The following ARPP21 variants were observed in gnomAD, a reference collection of about 807,000 sequenced individuals.
ARPP21 encodes the protein cAMP regulated phosphoprotein 21.
In ARPP21, 69 loss-of-function variants were observed where a neutral mutation model predicts 113.2. The observed-to-expected ratio is 0.61, with a 90% confidence interval of 0.50 to 0.74. The LOEUF is 0.74. Ranked by LOEUF, ARPP21 falls within the 30% of genes least tolerant of loss-of-function variation. The pLI, the probability that ARPP21 is intolerant of heterozygous loss-of-function variation, is 0.00. For synonymous variants in ARPP21, 368 were observed against 375.5 expected, an observed-to-expected ratio of 0.98 and a Z score of 0.23; for missense variants, 1,070 against 1,037.4, an observed-to-expected ratio of 1.03 and a Z score of -0.43.
chr3:35,732,736 T>C (rs1267451493), intron 15 of ARPP21, among the ~76,000 whole-genome samples: 1 of 152,246 alleles, frequency 6.6e-6, no homozygotes, highest in African/African-American at 2.4e-5. Flanking sequence ...GACTGTGTTA[T>C]ATAAAGTCAT....
intron 1 of ARPP21, among the ~76,000 whole-genome samples, chr3:35,654,221 GTT>G (rs764670852): frequency 3.3e-5 from 5 of 151,986 alleles, no homozygotes; most frequent in Non-Finnish European, 7.4e-5. Context: ...GATGAGTGAA[GTT>G]TAAAGGAAAA....
At chr3:35,674,214 A>G (rs1445432429) in intron 1 of ARPP21, among the ~76,000 whole-genome samples, 1 of 151,972 alleles carries the variant, frequency 6.6e-6, no homozygotes, top group Non-Finnish European at 1.5e-5. Context: ...TCCCTGAAAT[A>G]GTACTTCTTG....
intron 11 of ARPP21, among the ~76,000 whole-genome samples, chr3:35,711,849 G>A (rs1474001197): frequency 6.6e-6 from 1 of 152,200 alleles, no homozygotes; most frequent in African/African-American, 2.4e-5. Context: ...AAGGGAGAAA[G>A]AGAGAGAAAG....
At chr3:35,740,725 GTGTCCTT>G (rs2094601897) in intron 18 of ARPP21, among the ~76,000 whole-genome samples, 1 of 152,116 alleles carries the variant, frequency 6.6e-6, no homozygotes, top group Non-Finnish European at 1.5e-5. Flanking sequence ...AAGCGTTTAA[GTGTCCTT>G]ACTAATTTCT....
At chr3:35,698,754 AC>A (rs1433938958) in intron 9 of ARPP21, among the ~76,000 whole-genome samples, 2 of 151,690 alleles carry the variant, frequency 1.3e-5, no homozygotes, top group Non-Finnish European at 3.0e-5. Context: ...TTTAACTCGT[AC>A]CTATTGATTC....
intron 19 of ARPP21, among the ~76,000 whole-genome samples, chr3:35,766,088 G>A (rs1442253458): frequency 2.0e-5 from 3 of 152,082 alleles, no homozygotes; most frequent in Non-Finnish European, 4.4e-5. Flanking sequence ...TTTATGTGGA[G>A]TATCCAATAA....
chr3:35,715,503 C>A (rs2092255496), intron 12 of ARPP21, 27 bp downstream of exon 12: 6 of 1,584,272 alleles, frequency 3.8e-6, no homozygotes, highest in African/African-American at 1.3e-5. Context: ...TTTTCCATGT[C>A]TTTAGAGGAA....
At chr3:35,677,854 G>A (rs2077911624) in intron 1 of ARPP21, among the ~76,000 whole-genome samples, 1 of 151,950 alleles carries the variant, frequency 6.6e-6, no homozygotes, top group African/African-American at 2.4e-5. Context: ...CTGAAGTAGG[G>A]TTGATTTCCT....
chr3:35,792,997 TA>T (rs1367661613), intron 20 of ARPP21, among the ~76,000 whole-genome samples: 1 of 152,216 alleles, frequency 6.6e-6, no homozygotes, highest in Non-Finnish European at 1.5e-5. Flanking sequence ...TTCTCTGGAC[TA>T]AACCCAAGTT....
In ARPP21 at chr3:35,793,921, C is replaced by A. The variant is rs1159607959; in HGVS notation, c.2507C>A (p.Ala836Glu). Residue 836 changes from alanine to glutamate, a missense_variant, in exon 21 of 21, where the codon GCA becomes GAA. Ala to Glu is a moderately radical substitution (Grantham distance 107). Coordinates refer to ENST00000684406, the MANE Select transcript of ARPP21 (RefSeq NM_001385562.1). ...VMSASCRTNC[A>E]SMSNAGWQVK... ...TCAGCTAGCTGCAGAACAAACTGTGCAAGTATGAGCAATGCTGGTTGGCAG... is the reference window on the plus strand; with the variant it reads ...TCAGCTAGCTGCAGAACAAACTGTGAAAGTATGAGCAATGCTGGTTGGCAG... 3 of 1,613,966 alleles carry A rather than the reference C, an allele frequency of 1.9e-6. No individual in the cohort carries two copies. Among genetic ancestry groups the A allele is most frequent in the Non-Finnish European group, 8.5e-7 (1 of 1,179,856 alleles).
At chr3:35,778,362 T>A (rs1195846543) in intron 19 of ARPP21, among the ~76,000 whole-genome samples, 3 of 151,664 alleles carry the variant, frequency 2.0e-5, no homozygotes, top group Non-Finnish European at 3.0e-5. Flanking sequence ...ATGGAAGGCA[T>A]CAGCTGCAAG....
chr3:35,758,145 C>T (rs1023337256), intron 19 of ARPP21, among the ~76,000 whole-genome samples: 2 of 152,022 alleles, frequency 1.3e-5, no homozygotes, highest in African/African-American at 4.8e-5. Context: ...AGATCATTGC[C>T]TCATTCATCT....
At chr3:35,682,795 T>G in intron 3 of ARPP21, 53 bp from the exon 4 acceptor site, 2 of 1,510,978 alleles carry the variant, frequency 1.3e-6, no homozygotes, top group Non-Finnish European at 1.8e-6. Context: ...TGATTTACTG[T>G]TCGTTTTTGT....
At chr3:35,697,035 G>A (rs1378518725) in intron 9 of ARPP21, among the ~76,000 whole-genome samples, 1 of 151,568 alleles carries the variant, frequency 6.6e-6, no homozygotes, top group Non-Finnish European at 1.5e-5. Context: ...TCTTGCACAA[G>A]TGTTTTCCAA....
In ARPP21 at chr3:35,681,815, G is replaced by A. The variant is rs1444927999; in HGVS notation, c.64G>A (p.Ala22Thr). Residue 22 changes from alanine to threonine, a missense_variant, in exon 3 of 21, where the codon GCC becomes ACC. Transcript: ENST00000684406. Reference sequence around the variant, plus strand: ...GGAAGGAGGGACTGAGCAGGAGACGGCCACTCCAGAGAACGGCATTGTTAA... The same window carrying A: ...GGAAGGAGGGACTGAGCAGGAGACGACCACTCCAGAGAACGGCATTGTTAA... ...AEEGGTEQET[A>T]TPENGIVKSE... 3 of 1,612,032 alleles carry A rather than the reference G, an allele frequency of 1.9e-6. No homozygotes were observed. Among genetic ancestry groups the A allele is most frequent in the African/African-American group, 1.3e-5 (1 of 74,882 alleles).
intron 19 of ARPP21, among the ~76,000 whole-genome samples, chr3:35,777,543 G>T (rs1321104353): frequency 6.6e-6 from 1 of 152,158 alleles, no homozygotes; most frequent in Non-Finnish European, 1.5e-5. Flanking sequence ...CCTTGAAGAT[G>T]ATTGCTTTAA....
intron 1 of ARPP21, among the ~76,000 whole-genome samples, chr3:35,644,791 G>A (rs995432929): frequency 6.6e-6 from 1 of 151,842 alleles, no homozygotes; most frequent in Admixed American, 6.6e-5. Context: ...TCCTGGAATT[G>A]CCAGGTGGAG....
intron 1 of ARPP21, among the ~76,000 whole-genome samples, chr3:35,647,912 C>T (rs1700857558): frequency 1.3e-5 from 2 of 152,272 alleles, no homozygotes; most frequent in South Asian, 4.1e-4. Flanking sequence ...AGAAACAAAG[C>T]ACTTGACACA....
intron 19 of ARPP21, among the ~76,000 whole-genome samples, chr3:35,783,514 C>T (rs556394366): frequency 3.3e-5 from 5 of 152,136 alleles, no homozygotes; most frequent in South Asian, 4.2e-4. Flanking sequence ...TCTGATGTGT[C>T]TCTTTTCTCT....
Sources: allele counts gnomAD v4.1 joint callset (sites outside exome capture counted in the v4.1 genomes callset), GRCh38; gene constraint gnomAD v4.1.1; transcripts MANE v1.5; gene names NCBI Gene and HGNC (gene_info 2026-07-23, HGNC 2026-07-21).